Variants in CADPS observed in about 807,000 individuals in gnomAD.
The protein encoded by CADPS is calcium-dependent secretion activator 1.
Under a neutral mutation model 167.3 loss-of-function variants are expected in CADPS, and 57 were observed. The ratio of observed to expected loss-of-function variants is 0.34; its 90% confidence interval spans 0.28 to 0.42. The LOEUF is 0.42. CADPS is among the 20% of genes least tolerant of loss of function. The probability of loss-of-function intolerance (pLI) is 1.00; values close to 1 mark genes in which losing one functional copy is unlikely to be tolerated. For missense variants in CADPS, 1,414 were observed against 1,738.1 expected (o/e 0.81, Z 3.32); for synonymous variants, 676 against 635.3 (o/e 1.06, Z -0.96).
chr3:62,677,998 T>C (rs1406389026), intron 3 of CADPS, among the ~76,000 whole-genome samples: 1 of 152,128 alleles, frequency 6.6e-6, no homozygotes, highest in East Asian at 1.9e-4. Flanking sequence ...GGGGTCTTGC[T>C]GACCCCTGTG....
At chr3:62,619,937 G>A (rs904621960) in intron 6 of CADPS, among the ~76,000 whole-genome samples, 1 of 152,092 alleles carries the variant, frequency 6.6e-6, no homozygotes, top group African/African-American at 2.4e-5. Context: ...ACATCTCTTG[G>A]TTTGAGGTGA....
chr3:62,715,691 G>A (rs1380295839), intron 3 of CADPS, among the ~76,000 whole-genome samples: 2 of 149,224 alleles, frequency 1.3e-5, no homozygotes, highest in South Asian at 2.1e-4. Flanking sequence ...CCTTGCTTGT[G>A]GACAAGAAAA....
chr3:62,672,376 A>G (rs1435506022), intron 3 of CADPS, among the ~76,000 whole-genome samples: 1 of 152,112 alleles, frequency 6.6e-6, no homozygotes, highest in Non-Finnish European at 1.5e-5. Flanking sequence ...TGGAACGTGC[A>G]TTTGCTCATG....
intron 5 of CADPS, among the ~76,000 whole-genome samples, chr3:62,649,451 AC>A (rs2069440553): frequency 7.0e-6 from 1 of 142,950 alleles, no homozygotes; most frequent in Admixed American, 7.2e-5. Context: ...GCCCTTTTTC[AC>A]CCCTTGCCCC....
At chr3:62,494,959 G>A (rs1429141161) in intron 18 of CADPS, among the ~76,000 whole-genome samples, 1 of 151,974 alleles carries the variant, frequency 6.6e-6, no homozygotes, top group Non-Finnish European at 1.5e-5. Flanking sequence ...CACCACACCT[G>A]GCCTCTTACC....
chr3:62,778,499 C>A (rs2090867637), intron 1 of CADPS, among the ~76,000 whole-genome samples: 1 of 152,182 alleles, frequency 6.6e-6, no homozygotes, highest in Admixed American at 6.5e-5. Context: ...TCTGATGGCT[C>A]CTTCCAGCCT....
At chr3:62,689,640 CT>C (rs1253361639) in intron 3 of CADPS, among the ~76,000 whole-genome samples, 7 of 152,020 alleles carry the variant, frequency 4.6e-5, no homozygotes, top group Non-Finnish European at 1.0e-4. Flanking sequence ...TTGTATAACC[CT>C]TTGGACGCAA....
At chr3:62,557,546 C>T in intron 9 of CADPS, 33 bp from the exon 10 acceptor site, 1 of 1,524,464 alleles carries the variant, frequency 6.6e-7, no homozygotes, top group South Asian at 1.1e-5. Context: ...GAGGTTGACC[C>T]CTGGAGCCTG....
rs954655441 is a variant in CADPS, at chr3:62,457,367, C to A, written c.3636+8000G>T. ...AAACCCCAGTGCACACTGAAATAAA[C>A]CTGATTCAAACCAAAATATGCTTGG... On this transcript the variant is annotated intron_variant, in intron 26 of 29. Transcript: ENST00000383710. Among the ~76,000 whole-genome samples, 39 of 152,140 alleles carry A rather than the reference C, an allele frequency of 2.6e-4. 1 individual carries two copies. The highest frequency in any genetic ancestry group is 7.3e-5 in the Non-Finnish European group (5 of 68,032).
chr3:62,675,051 T>C (rs2076137079), intron 3 of CADPS, among the ~76,000 whole-genome samples: 1 of 152,198 alleles, frequency 6.6e-6, no homozygotes, highest in Admixed American at 6.5e-5. Flanking sequence ...ATTTCTTGCT[T>C]ACTCTACTTA....
In CADPS at chr3:62,493,052, T is replaced by C. The variant is rs9821634; in HGVS notation, c.2727+593A>G. 7.5e-4 allele frequency among the ~76,000 whole-genome samples: 114 copies of C among 152,174 alleles called. 1 individual carries two copies. Among genetic ancestry groups the C allele is most frequent in the African/African-American group, 2.7e-3 (110 of 41,442 alleles). ...TAAGCAAGGAGGCTTTGGTTTTGTATCCAGTCTGGAGGAAAGATCAGGCTT... is the reference window on the plus strand; with the variant it reads ...TAAGCAAGGAGGCTTTGGTTTTGTACCCAGTCTGGAGGAAAGATCAGGCTT... On this transcript the variant is annotated intron_variant, in intron 19 of 29. Transcript: ENST00000383710.
rs548441587 is a variant in CADPS at position 62,862,403 on chromosome 3, G to T, written c.441+12186C>A. The stretch of plus-strand genomic sequence containing the variant: ...AGCTAATTTTTATATTTTTAGTAGA[G>T]ACAGGGTTTCACCACGTTGGCCAGG... On this transcript the variant is annotated intron_variant, in intron 1 of 29. Coordinates refer to ENST00000383710, the MANE Select transcript of CADPS (RefSeq NM_003716.4). Among the ~76,000 whole-genome samples, 5 of 152,032 alleles carry T rather than the reference G, an allele frequency of 3.3e-5. No individual in the cohort carries two copies. In the East Asian group the frequency reaches 9.7e-4, roughly 30 times the overall value.
chr3:62,677,470 A>C (rs527722584), intron 3 of CADPS, among the ~76,000 whole-genome samples: 18 of 152,230 alleles, frequency 1.2e-4, no homozygotes, highest in African/African-American at 3.9e-4. Context: ...TGTTTGGTAA[A>C]GTCTAGAGAC....
intron 3 of CADPS, among the ~76,000 whole-genome samples, chr3:62,707,573 T>C (rs974327736): frequency 2.0e-5 from 3 of 152,172 alleles, no homozygotes; most frequent in African/African-American, 7.2e-5. Flanking sequence ...AGTTGGGTGA[T>C]AGAATAAGGT....
chr3:62,599,753 ATATATATTGTATATATAATATATATAT>A (rs2059547065), intron 6 of CADPS, among the ~76,000 whole-genome samples: 1 of 32,952 alleles, frequency 3.0e-5, no homozygotes, highest in African/African-American at 1.4e-4. Flanking sequence ...ATAATCTATT[ATATATATTGTATATATAATATATATAT>A]TATATATAAT....
intron 3 of CADPS, among the ~76,000 whole-genome samples, chr3:62,706,769 C>G (rs758917120): frequency 3.9e-5 from 6 of 152,094 alleles, no homozygotes; most frequent in Non-Finnish European, 8.8e-5. Context: ...TGGATTAGGG[C>G]TGACCCTACT....
chr3:62,606,729 C>A (rs1260539282), intron 6 of CADPS, among the ~76,000 whole-genome samples: 6 of 152,352 alleles, frequency 3.9e-5, no homozygotes, highest in African/African-American at 1.4e-4. Context: ...GTGATGCAAG[C>A]ACAGGCTTAA....
At chr3:62,410,745 C>T (rs1012366405) in intron 28 of CADPS, among the ~76,000 whole-genome samples, 11 of 152,210 alleles carry the variant, frequency 7.2e-5, no homozygotes, top group African/African-American at 2.7e-4. Flanking sequence ...GTTGTCCTAA[C>T]CTGCTTCCCA....
intron 10 of CADPS, among the ~76,000 whole-genome samples, chr3:62,556,081 T>C (rs1268785948): frequency 1.3e-5 from 2 of 152,176 alleles, no homozygotes; most frequent in Non-Finnish European, 2.9e-5. Context: ...GGACTGAATC[T>C]ATTTTTTTGA....
Sources: gnomAD v4.1 joint callset for allele counts (sites outside exome capture counted in the v4.1 genomes callset) on GRCh38, gnomAD v4.1.1 for gene constraint, MANE v1.5 for transcripts, NCBI Gene and HGNC (gene_info 2026-07-23, HGNC 2026-07-21) for gene names.